Variants in PTPRD observed in about 807,000 individuals in gnomAD.
The protein encoded by PTPRD is protein tyrosine phosphatase receptor type D, also known as receptor-type tyrosine-protein phosphatase delta.
A neutral mutation model predicts 214.5 loss-of-function variants in PTPRD; 34 were observed. The ratio of observed to expected loss-of-function variants is 0.16; its 90% confidence interval spans 0.12 to 0.21. The LOEUF is 0.21. Among genes scored for constraint, PTPRD ranks in the 10% least tolerant of loss-of-function variants. The pLI, the probability that PTPRD is intolerant of heterozygous loss-of-function variation, is 1.00. For missense variants in PTPRD, 2,545 were observed against 2,398.7 expected (o/e 1.06, Z -1.27); for synonymous variants, 1,128 against 845.7 (o/e 1.33, Z -5.79).
rs546464931 is a variant in PTPRD at position 9,129,262 on chromosome 9, C to T, written c.-143+54042G>A. 2.4e-4 allele frequency among the ~76,000 whole-genome samples: 36 copies of T among 152,164 alleles called. No homozygotes were observed. In the South Asian group the frequency reaches 2.5e-3, roughly 11 times the overall value. On this transcript the variant is annotated intron_variant, in intron 10 of 45. Coordinates refer to ENST00000381196, the MANE Select transcript of PTPRD (RefSeq NM_002839.4). Reference sequence around the variant, plus strand: ...AAAATTAGCCAGGCATGGTAGCGGGCGGCTGTAATCCCAGCTACTTGGGAG... The same window carrying T: ...AAAATTAGCCAGGCATGGTAGCGGGTGGCTGTAATCCCAGCTACTTGGGAG...
At chr9:9,144,397 T>A (rs2099865094) in intron 10 of PTPRD, among the ~76,000 whole-genome samples, 1 of 152,220 alleles carries the variant, frequency 6.6e-6, no homozygotes, top group South Asian at 2.1e-4. Flanking sequence ...GTTCATTTTT[T>A]TATGTCAACT....
In PTPRD at chr9:8,486,278, C is replaced by T. The variant is rs143787300; in HGVS notation, c.2539G>A (p.Val847Met). 5 of 1,614,050 alleles carry T rather than the reference C, an allele frequency of 3.1e-6. No individual in the cohort carries two copies. The highest frequency in any genetic ancestry group is 2.7e-5 in the African/African-American group (2 of 74,918). The change falls in exon 28 of 46, where the codon GTG becomes ATG. Residue 847 changes from valine (V) to methionine (M), a missense_variant. By Grantham distance (21) the Val-to-Met change is conservative. Transcript: ENST00000381196. ...CCCTGAAGAGGTCCAAATGTGTCCA[C>T]CGGAGGGTGCCACTGAATAAGAGCA... is the stretch of plus-strand genomic sequence containing the variant. ...NTALIQWHPP[V>M]DTFGPLQGYR...
intron 11 of PTPRD, among the ~76,000 whole-genome samples, chr9:9,001,994 G>C (rs1209567746): frequency 6.7e-6 from 1 of 149,580 alleles, no homozygotes; most frequent in East Asian, 2.0e-4. Flanking sequence ...TGTGTGTTTG[G>C]GGGGTTGGTG....
chr9:10,464,881 T>C (rs2098983205), intron 2 of PTPRD, among the ~76,000 whole-genome samples: 1 of 151,974 alleles, frequency 6.6e-6, no homozygotes, highest in African/African-American at 2.4e-5. Flanking sequence ...AAAAATAAAA[T>C]AAAATACTAT....
intron 4 of PTPRD, among the ~76,000 whole-genome samples, chr9:9,954,013 C>T (rs1294458167): frequency 6.6e-6 from 1 of 151,824 alleles, no homozygotes; most frequent in African/African-American, 2.4e-5. Flanking sequence ...ATTGAAAGAG[C>T]AGGCTGGTTG....
rs34947415 is a variant in PTPRD, at chr9:9,787,420, T to TAA, written c.-367-20571_-367-20570dup. 7.1e-3 allele frequency among the ~76,000 whole-genome samples: 935 copies of TAA among 131,398 alleles called. 6 individuals are homozygous for TAA. The highest frequency in any genetic ancestry group is 0.023 in the African/African-American group (847 of 36,648). The allele number at this position is 131,398 out of a possible 152,430, so 86.2% of individuals were successfully genotyped here. A position where few individuals can be genotyped will look rare whatever the true frequency, so the allele number is the denominator to read the frequency against. ...TCAGGAAGTGTTTATGTCAACTATG[T>TAA]AAAAAAAAAAAAAAAAGGCCAAATC... On this transcript the variant is annotated intron_variant, in intron 5 of 45. Coordinates refer to ENST00000381196, the MANE Select transcript of PTPRD (RefSeq NM_002839.4).
intron 11 of PTPRD, among the ~76,000 whole-genome samples, chr9:8,771,548 A>G (rs2095214075): frequency 6.6e-6 from 1 of 152,110 alleles, no homozygotes; most frequent in Non-Finnish European, 1.5e-5. Context: ...AAACCCAAAG[A>G]CCTCATAAAT....
At chr9:9,364,583 G>A (rs1471727770) in intron 9 of PTPRD, among the ~76,000 whole-genome samples, 4 of 151,354 alleles carry the variant, frequency 2.6e-5, no homozygotes, top group Admixed American at 2.0e-4. Context: ...GCTGAGAAAC[G>A]GTCTTGAGTG....
At chr9:9,565,502 T>C (rs1480561865) in intron 8 of PTPRD, among the ~76,000 whole-genome samples, 1 of 151,964 alleles carries the variant, frequency 6.6e-6, no homozygotes, top group East Asian at 1.9e-4. Context: ...AGAATGATGA[T>C]GGATTTCTGA....
At chr9:10,540,776 C>T (rs2058929872) in intron 2 of PTPRD, among the ~76,000 whole-genome samples, 1 of 152,068 alleles carries the variant, frequency 6.6e-6, no homozygotes, top group African/African-American at 2.4e-5. Context: ...GCTTTGTTTA[C>T]AAGTAACATG....
chr9:9,902,155 T>C (rs1414863197), intron 5 of PTPRD, among the ~76,000 whole-genome samples: 1 of 152,184 alleles, frequency 6.6e-6, no homozygotes, highest in Non-Finnish European at 1.5e-5. Flanking sequence ...ATCAGCCTTA[T>C]TGTTGATTCT....
In PTPRD at chr9:10,385,811, G is replaced by C. The variant is rs10738163; in HGVS notation, c.-599-44794C>G. Among the ~76,000 whole-genome samples the C allele has an allele frequency of 8.6e-5, 13 of 151,850 alleles. No homozygotes were observed. In the East Asian group the frequency reaches 2.0e-3, roughly 23 times the overall value. On this transcript the variant is annotated intron_variant, in intron 2 of 45. Coordinates refer to ENST00000381196, the MANE Select transcript of PTPRD (RefSeq NM_002839.4). Reference sequence around the variant, plus strand: ...ACATTATGAGATTCTCTGGTGAAAGGTGATAGATGGTCAATAATGTAAATA... The same window carrying C: ...ACATTATGAGATTCTCTGGTGAAAGCTGATAGATGGTCAATAATGTAAATA...
intron 3 of PTPRD, among the ~76,000 whole-genome samples, chr9:10,125,871 G>T (rs1001439726): frequency 6.6e-6 from 1 of 152,102 alleles, no homozygotes; most frequent in East Asian, 1.9e-4. Flanking sequence ...TATGGATATA[G>T]AGGTCAATAT....
chr9:10,046,751 G>T (rs913386343), intron 3 of PTPRD, among the ~76,000 whole-genome samples: 2 of 151,862 alleles, frequency 1.3e-5, no homozygotes, highest in African/African-American at 4.8e-5. Context: ...AATTAATAAA[G>T]ATTCACAAGT....
At chr9:9,550,905 T>C (rs142850552) in intron 8 of PTPRD, among the ~76,000 whole-genome samples, 82 of 151,930 alleles carry the variant, frequency 5.4e-4, no homozygotes, top group African/African-American at 1.9e-3. Context: ...TCACTACACA[T>C]TAACTAAAAA....
intron 3 of PTPRD, among the ~76,000 whole-genome samples, chr9:10,211,991 A>C (rs2099519627): frequency 6.6e-6 from 1 of 152,184 alleles, no homozygotes; most frequent in Admixed American, 6.6e-5. Flanking sequence ...AATTTTGTCC[A>C]TACGATTGAA....
At chr9:10,135,984 G>C (rs1360702024) in intron 3 of PTPRD, among the ~76,000 whole-genome samples, 1 of 149,756 alleles carries the variant, frequency 6.7e-6, no homozygotes, top group Admixed American at 6.7e-5. Context: ...TTGCCTTCAA[G>C]AGACCCACGT....
At chr9:8,426,950 G>A (rs1004192173) in intron 35 of PTPRD, among the ~76,000 whole-genome samples, 16 of 152,174 alleles carry the variant, frequency 1.1e-4, no homozygotes, top group South Asian at 2.1e-4. Context: ...ATAGACATAC[G>A]CCCTGTTTTG....
chr9:9,235,972 G>C (rs1369586550), intron 9 of PTPRD, among the ~76,000 whole-genome samples: 2 of 152,032 alleles, frequency 1.3e-5, no homozygotes, highest in Non-Finnish European at 2.9e-5. Flanking sequence ...TATTTAAAAA[G>C]AGCAAAATTG....
Sources: gnomAD v4.1 joint callset for allele counts (sites outside exome capture counted in the v4.1 genomes callset) on GRCh38, gnomAD v4.1.1 for gene constraint, MANE v1.5 for transcripts, NCBI Gene and HGNC (gene_info 2026-07-23, HGNC 2026-07-21) for gene names.